The following ZNF860 variants were observed in gnomAD, a reference collection of about 807,000 sequenced individuals.
The protein encoded by ZNF860 is zinc finger protein 860.
For missense variants in ZNF860, 641 were observed against 759.2 expected, an observed-to-expected ratio of 0.84 and a Z score of 1.83; for synonymous variants, 206 against 248.9, an observed-to-expected ratio of 0.83 and a Z score of 1.62.
chr3:32,004,693 A>C, the ZNF860 span, among the ~76,000 whole-genome samples: 2 of 152,346 alleles, frequency 1.3e-5, no homozygotes, highest in East Asian at 3.9e-4. Flanking sequence ...TCAGGTACCA[A>C]GAGAACAACA....
At chr3:31,987,640 C>G (rs34175614) in intron 1 of ZNF860, among the ~76,000 whole-genome samples, 24,722 of 152,164 alleles carry the variant, frequency 0.16, 2,257 homozygotes, top group South Asian at 0.32. Flanking sequence ...GGTCTCTCAT[C>G]CTCTAGCAGG....
downstream of ZNF860, among the ~76,000 whole-genome samples, chr3:31,996,376 A>G (rs557580227): frequency 6.6e-6 from 1 of 152,340 alleles, no homozygotes; most frequent in African/African-American, 2.4e-5. Flanking sequence ...CAAGGGAACA[A>G]TGATATGATT....
chr3:31,987,424 A>G (rs534101231), intron 1 of ZNF860, among the ~76,000 whole-genome samples: 1 of 152,310 alleles, frequency 6.6e-6, no homozygotes, highest in East Asian at 1.9e-4. Flanking sequence ...AACCTTTTAC[A>G]TTAGTTTAAT....
chr3:31,982,197 T>C (rs1467647381), intron 1 of ZNF860, among the ~76,000 whole-genome samples: 1 of 152,178 alleles, frequency 6.6e-6, no homozygotes, highest in Non-Finnish European at 1.5e-5. Context: ...TTTACAAACA[T>C]TGAAGGATTC....
downstream of ZNF860, among the ~76,000 whole-genome samples, chr3:31,994,302 AACTT>A (rs1473813095): frequency 1.3e-5 from 2 of 152,208 alleles, no homozygotes; most frequent in African/African-American, 4.8e-5. Flanking sequence ...ACTGTCCTAT[AACTT>A]ACTTGTGGCA....
At chr3:32,001,334 G>T in the ZNF860 span, among the ~76,000 whole-genome samples, 1 of 152,168 alleles carries the variant, frequency 6.6e-6, no homozygotes. Context: ...TTGCTGATCT[G>T]TTGGTGTATT....
In ZNF860 at chr3:31,990,205, G is replaced by A. The variant is rs754185957; in HGVS notation, c.1126G>A (p.Gly376Ser). ...GAAACCTTACAAGTGTAATGAGTGT[G>A]GCAAAGCCTTTAGTGGGCAGTCAAC... Reference protein sequence around the residue: ...GEKPYKCNECGKAFSGQSTLI... With the variant: ...GEKPYKCNECSKAFSGQSTLI... The change falls in exon 2 of 2, where the codon GGC becomes AGC. Residue 376 changes from glycine to serine, a missense_variant. Coordinates refer to ENST00000360311, the MANE Select transcript of ZNF860 (RefSeq NM_001137674.3). 16 of 1,613,962 alleles carry A rather than the reference G, an allele frequency of 9.9e-6. No homozygotes were observed. In the East Asian group the frequency reaches 3.6e-4, roughly 36 times the overall value.
the ZNF860 span, among the ~76,000 whole-genome samples, chr3:32,004,972 G>A: frequency 6.6e-6 from 1 of 152,124 alleles, no homozygotes; most frequent in Non-Finnish European, 1.5e-5. Context: ...GACTTAATAA[G>A]TATCCTTGGA....
Position 31,988,766 on chromosome 3 carries a change from T to C in ZNF860, c.-314T>C, listed in dbSNP as rs902482037. On this transcript the variant is annotated 5_prime_UTR_variant, in exon 2 of 2. The change abolishes the stop of an existing upstream ORF in the 5' untranslated region. Transcript: ENST00000360311. ...GCCAGCCACTGTGTCAGTCACCTTA[T>C]AAGCAGATTTTCTGAGACCTGCTAA... The C allele has an allele frequency of 7.6e-6, 3 of 394,464 alleles. No individual in the cohort carries two copies. Among genetic ancestry groups the C allele is most frequent in the African/African-American group, 2.0e-5 (1 of 49,406 alleles). The allele number at this position is 394,464 out of a possible 1,614,324, so 24.4% of individuals were successfully genotyped here.
At chr3:31,984,199 C>G (rs1432596453) in intron 1 of ZNF860, among the ~76,000 whole-genome samples, 4 of 152,096 alleles carry the variant, frequency 2.6e-5, no homozygotes. Flanking sequence ...GCCACCATGC[C>G]CAGCTAATTT....
At chr3:31,999,651 G>A in the ZNF860 span, among the ~76,000 whole-genome samples, 6 of 152,026 alleles carry the variant, frequency 3.9e-5, no homozygotes, top group African/African-American at 1.2e-4. Flanking sequence ...GTGAGCCACC[G>A]TGCCCGGCCT....
downstream of ZNF860, among the ~76,000 whole-genome samples, chr3:31,991,816 T>C (rs1699033977): frequency 1.3e-5 from 2 of 151,698 alleles, no homozygotes; most frequent in African/African-American, 4.8e-5. Context: ...CAACTTTTCA[T>C]ATCCTGAAGA....
chr3:31,993,956 C>T (rs975567425), downstream of ZNF860, among the ~76,000 whole-genome samples: 5 of 152,066 alleles, frequency 3.3e-5, no homozygotes, highest in Admixed American at 1.3e-4. Flanking sequence ...CATCAAAACC[C>T]GGAAACAACC....
chr3:31,990,268 C>T lies in ZNF860; in HGVS notation c.1189C>T (p.Leu397Phe). ...HHQAIHGIGKLYKCNDCHKVF... is the reference protein window; with the variant it reads ...HHQAIHGIGKFYKCNDCHKVF... ...TCAAGCAATCCATGGTATAGGGAAA[C>T]TTTATAAATGTAATGATTGTCACAA... The change falls in exon 2 of 2, where the codon CTT (leucine) becomes TTT (phenylalanine). Residue 397 changes from leucine (L) to phenylalanine (F), a missense_variant. Leu to Phe is a conservative substitution (Grantham distance 22). Coordinates refer to ENST00000360311, the MANE Select transcript of ZNF860 (RefSeq NM_001137674.3). The T allele has an allele frequency of 3.1e-6, 5 of 1,614,024 alleles. No individual in the cohort carries two copies. Among genetic ancestry groups the T allele is most frequent in the Non-Finnish European group, 4.2e-6 (5 of 1,179,968 alleles).
chr3:31,996,926 C>T, the ZNF860 span, among the ~76,000 whole-genome samples: 1 of 152,160 alleles, frequency 6.6e-6, no homozygotes, highest in Admixed American at 6.5e-5. Flanking sequence ...AGCTTCTACC[C>T]TTCTTCCCAG....
intron 1 of ZNF860, among the ~76,000 whole-genome samples, chr3:31,982,504 C>T (rs1024329405): frequency 2.6e-5 from 4 of 152,126 alleles, no homozygotes; most frequent in African/African-American, 7.2e-5. Flanking sequence ...GACAGTTCCC[C>T]GAGCCCAACC....
chr3:31,996,585 A>G (rs72854185), downstream of ZNF860, among the ~76,000 whole-genome samples: 1,199 of 152,330 alleles, frequency 7.9e-3, 19 homozygotes, highest in African/African-American at 0.027. Context: ...AGAAAAGACC[A>G]CTTACAGAAA....
chr3:32,003,641 T>C, the ZNF860 span, among the ~76,000 whole-genome samples: 1 of 152,190 alleles, frequency 6.6e-6, no homozygotes, highest in Non-Finnish European at 1.5e-5. Context: ...AACAGGATAA[T>C]CCTCTTTCTC....
chr3:31,994,921 G>A (rs185380789), downstream of ZNF860, among the ~76,000 whole-genome samples: 121 of 152,262 alleles, frequency 7.9e-4, no homozygotes, highest in African/African-American at 2.6e-3. Context: ...TTACAGCTGG[G>A]CTGCCAGGGG....
Sources: allele counts gnomAD v4.1 joint callset (sites outside exome capture counted in the v4.1 genomes callset), GRCh38; gene constraint gnomAD v4.1.1; transcripts MANE v1.5; gene names NCBI Gene and HGNC (gene_info 2026-07-23, HGNC 2026-07-21).